Variants in TIAM1 observed in about 807,000 individuals in gnomAD.
The protein encoded by TIAM1 is rho guanine nucleotide exchange factor TIAM1.
A neutral mutation model predicts 163.5 loss-of-function variants in TIAM1; 65 were observed. The observed-to-expected ratio is 0.40, with a 90% CI of 0.33 to 0.49. The LOEUF is 0.49. Among genes scored for constraint, TIAM1 ranks in the 20% least tolerant of loss-of-function variants. The probability of loss-of-function intolerance (pLI) is 0.77; values close to 1 mark genes in which losing one functional copy is unlikely to be tolerated. For synonymous variants in TIAM1, 833 were observed against 810.1 expected (o/e 1.03, Z -0.48); for missense variants, 1,789 against 2,044.7 (o/e 0.87, Z 2.41).
In TIAM1 at chr21:31,266,791, G is replaced by T. The variant is rs765556250; in HGVS notation, c.182C>A (p.Thr61Asn). Reference protein sequence around the residue: ...NSEVSTRSSSTPSIPQSLAEN... With the variant: ...NSEVSTRSSSNPSIPQSLAEN... ...AGCCAGGGACTGGGGGATGCTGGGG[G>T]TGCTGCTGGATCGGGTGCTCACTTC... The change falls in exon 4 of 28, where the codon ACC becomes AAC. Residue 61 changes from threonine (T) to asparagine (N), a missense_variant. Thr to Asn is a moderately conservative substitution (Grantham distance 65). Transcript: ENST00000541036. The T allele has an allele frequency of 3.1e-6, 5 of 1,614,240 alleles. No homozygotes were observed. The highest frequency in any genetic ancestry group is 2.2e-5 in the East Asian group (1 of 44,872).
chr21:31,542,075 G>A (rs1309274231), intron 1 of TIAM1, among the ~76,000 whole-genome samples: 1 of 152,138 alleles, frequency 6.6e-6, no homozygotes, highest in Non-Finnish European at 1.5e-5. Flanking sequence ...CCAACCACAG[G>A]CATTCAAGCC....
At chr21:31,245,376 A>G in intron 6 of TIAM1, 112 bp downstream of exon 6, 1 of 448,522 alleles carries the variant, frequency 2.2e-6, no homozygotes, top group Non-Finnish European at 3.1e-6. Context: ...CACCACTAAA[A>G]AAAAAAAAAA....
chr21:31,229,020 G>C (rs1225890119), intron 6 of TIAM1, among the ~76,000 whole-genome samples: 1 of 152,154 alleles, frequency 6.6e-6, no homozygotes, highest in Non-Finnish European at 1.5e-5. Flanking sequence ...CTTCCAATGG[G>C]TCCCTCCCAC....
chr21:31,512,617 CTT>C (rs35338359), intron 1 of TIAM1, among the ~76,000 whole-genome samples: 9 of 121,724 alleles, frequency 7.4e-5, no homozygotes, highest in Admixed American at 2.6e-4. Flanking sequence ...TTTTTCTTTT[CTT>C]TTTTTTTTTT....
chr21:31,194,228 T>A (rs997643266), intron 13 of TIAM1, among the ~76,000 whole-genome samples: 1 of 152,040 alleles, frequency 6.6e-6, no homozygotes, highest in Non-Finnish European at 1.5e-5. Flanking sequence ...CCGTGGGTAT[T>A]TACCCAAGAC....
intron 2 of TIAM1, among the ~76,000 whole-genome samples, chr21:31,315,602 G>A (rs1401020422): frequency 6.7e-6 from 1 of 149,172 alleles, no homozygotes; most frequent in Non-Finnish European, 1.5e-5. Context: ...TTGAACCAGG[G>A]AGGCGGAGGT....
intron 22 of TIAM1, among the ~76,000 whole-genome samples, chr21:31,139,639 T>A (rs772415325): frequency 6.6e-6 from 1 of 152,226 alleles, no homozygotes; most frequent in South Asian, 2.1e-4. Context: ...TAAAGTTTTA[T>A]AAGAAAGTGA....
intron 10 of TIAM1, among the ~76,000 whole-genome samples, chr21:31,210,685 A>AGG (rs1555891116): frequency 4.5e-4 from 19 of 42,608 alleles, no homozygotes; most frequent in African/African-American, 2.5e-3. Flanking sequence ...GAAAGAAAGA[A>AGG]AAAGAAAGAA....
At chr21:31,352,400 A>G (rs780005023) in intron 2 of TIAM1, among the ~76,000 whole-genome samples, 12 of 152,112 alleles carry the variant, frequency 7.9e-5, no homozygotes, top group Non-Finnish European at 1.6e-4. Context: ...GTTGTACAAC[A>G]TTGTGAATGT....
chr21:31,210,671 GAAAGAAAGAAAGAAAAA>G (rs2086769702), intron 10 of TIAM1, among the ~76,000 whole-genome samples: 8 of 39,424 alleles, frequency 2.0e-4, no homozygotes, highest in African/African-American at 1.0e-3. Context: ...GAAAGAAAAA[GAAAGAAAGAAAGAAAAA>G]GAAAGAAAGA....
intron 23 of TIAM1, among the ~76,000 whole-genome samples, chr21:31,131,369 T>C (rs1240834957): frequency 6.6e-6 from 1 of 152,244 alleles, no homozygotes; most frequent in African/African-American, 2.4e-5. Context: ...AAGGTAATAG[T>C]GCACATAGAC....
At chr21:31,424,108 G>A (rs946372931) in intron 2 of TIAM1, among the ~76,000 whole-genome samples, 2 of 152,208 alleles carry the variant, frequency 1.3e-5, no homozygotes, top group Admixed American at 6.5e-5. Context: ...AAGGAAAATG[G>A]TCTAATTGGG....
chr21:31,177,426 G>T (rs1177088154), intron 15 of TIAM1, among the ~76,000 whole-genome samples: 1 of 152,198 alleles, frequency 6.6e-6, no homozygotes, highest in Non-Finnish European at 1.5e-5. Flanking sequence ...GGCCAACATG[G>T]TGAAACCCTG....
chr21:31,218,678 G>C (rs2087354686), intron 8 of TIAM1, among the ~76,000 whole-genome samples: 2 of 152,066 alleles, frequency 1.3e-5, no homozygotes, highest in Non-Finnish European at 2.9e-5. Flanking sequence ...CTTAAGTCCT[G>C]GTCAATGGCA....
At chr21:31,184,605 T>C (rs1274002391) in intron 14 of TIAM1, among the ~76,000 whole-genome samples, 2 of 152,098 alleles carry the variant, frequency 1.3e-5, no homozygotes, top group Non-Finnish European at 2.9e-5. Flanking sequence ...TAAAACAGGA[T>C]GTGACTGAAA....
At chr21:31,408,005 A>G (rs1219421334) in intron 2 of TIAM1, among the ~76,000 whole-genome samples, 1 of 152,208 alleles carries the variant, frequency 6.6e-6, no homozygotes, top group Non-Finnish European at 1.5e-5. Flanking sequence ...TGCCCACAGA[A>G]GGAAGTAAGA....
chr21:31,507,367 G>A (rs545271077), intron 1 of TIAM1, among the ~76,000 whole-genome samples: 70 of 151,194 alleles, frequency 4.6e-4, no homozygotes, highest in Non-Finnish European at 8.1e-4. Context: ...ACCATGCCCC[G>A]CTAATTTTTT....
chr21:31,309,990 A>G (rs373640239), intron 2 of TIAM1, among the ~76,000 whole-genome samples: 4 of 152,256 alleles, frequency 2.6e-5, no homozygotes, highest in African/African-American at 9.6e-5. Context: ...TACCAAGTGA[A>G]GTAAATTGCA....
intron 2 of TIAM1, among the ~76,000 whole-genome samples, chr21:31,297,020 A>T (rs1261707249): frequency 6.6e-6 from 1 of 152,158 alleles, no homozygotes; most frequent in Non-Finnish European, 1.5e-5. Context: ...CCCTTCTCCT[A>T]AACTCATGCT....
Sources: allele counts gnomAD v4.1 joint callset (sites outside exome capture counted in the v4.1 genomes callset), GRCh38; gene constraint gnomAD v4.1.1; transcripts MANE v1.5; gene names NCBI Gene and HGNC (gene_info 2026-07-23, HGNC 2026-07-21).